Variants in KLF8 observed in about 807,000 individuals in gnomAD.
The protein encoded by KLF8 is Krueppel-like factor 8.
In KLF8, 10 loss-of-function variants were observed where a neutral mutation model predicts 18.2. The observed-to-expected ratio is 0.55, with a 90% CI of 0.34 to 0.93. The LOEUF is 0.93. KLF8 is among the 40% of genes least tolerant of loss of function. The pLI is 0.02. For synonymous variants in KLF8, 109 were observed against 97.3 expected (o/e 1.12, Z -0.71); for missense variants, 264 against 277.9 (o/e 0.95, Z 0.36).
In KLF8 at chrX:56,287,027, T is replaced by C. The variant is rs1251308259; in HGVS notation, c.*2533T>C. On this transcript the variant is annotated 3_prime_UTR_variant, in exon 6 of 6. Coordinates refer to ENST00000468660, the MANE Select transcript of KLF8 (RefSeq NM_007250.5). The stretch of plus-strand genomic sequence containing the variant: ...TTTTCAGAGTTCAGAACTGAACTGC[T>C]CCCCTAAGACCTCAGAATCTTTTGC... 1 of 111,793 alleles carries C rather than the reference T, an allele frequency of 8.9e-6. No homozygotes were observed. The highest frequency in any genetic ancestry group is 1.9e-5 in the Non-Finnish European group (1 of 53,186). The allele number at this position is 111,793 out of a possible 1,213,427, so 9.2% of individuals were successfully genotyped here.
At chrX:56,264,269 A>G (rs2066927505) in intron 2 of KLF8, among the ~76,000 whole-genome samples, 1 of 111,069 alleles carries the variant, frequency 9.0e-6, no homozygotes, top group South Asian at 3.7e-4. Flanking sequence ...TTTTTTAAAA[A>G]AAGTATTAGT....
chrX:56,274,479 A>G (rs2067096588), intron 5 of KLF8, among the ~76,000 whole-genome samples: 1 of 110,823 alleles, frequency 9.0e-6, no homozygotes, highest in Non-Finnish European at 1.9e-5. Context: ...CACTTTGTTG[A>G]TTGTTTCCTT....
intron 2 of KLF8, among the ~76,000 whole-genome samples, chrX:56,252,099 G>C (rs1324616173): frequency 1.8e-5 from 2 of 110,305 alleles, no homozygotes; most frequent in Non-Finnish European, 3.8e-5. Context: ...TGCAACCTCC[G>C]CCTCCCAGAT....
chrX:56,175,994 T>A, the KLF8 span, among the ~76,000 whole-genome samples: 1 of 112,044 alleles, frequency 8.9e-6, no homozygotes, highest in South Asian at 3.7e-4. Flanking sequence ...AGTGTGTCTC[T>A]GCATGTGAGA....
chrX:55,938,762 T>C, the KLF8 span, among the ~76,000 whole-genome samples: 1 of 110,311 alleles, frequency 9.1e-6, no homozygotes, highest in Non-Finnish European at 1.9e-5. Context: ...CCAACAAAGA[T>C]CAAAAGAGAC....
chrX:56,221,713 T>G, the KLF8 span, among the ~76,000 whole-genome samples: 2 of 111,457 alleles, frequency 1.8e-5, no homozygotes, highest in African/African-American at 6.5e-5. Context: ...CTGGCTTCCG[T>G]AGTGAAGCTG....
chrX:56,094,255 T>C, the KLF8 span, among the ~76,000 whole-genome samples: 2 of 110,414 alleles, frequency 1.8e-5, no homozygotes, highest in African/African-American at 6.5e-5. Flanking sequence ...AGGTTATAAG[T>C]AAAGGGGTGG....
chrX:55,968,048 G>T, the KLF8 span, among the ~76,000 whole-genome samples: 1 of 111,541 alleles, frequency 9.0e-6, no homozygotes, highest in African/African-American at 3.3e-5. Context: ...TGAGAAGCAA[G>T]AAATTAAAAC....
intron 5 of KLF8, among the ~76,000 whole-genome samples, chrX:56,275,315 T>C (rs976103006): frequency 8.9e-6 from 1 of 111,972 alleles, no homozygotes; most frequent in African/African-American, 3.2e-5. Context: ...TCTGTTGGCA[T>C]GTAGAAATGT....
At chrX:56,115,677 T>C in the KLF8 span, among the ~76,000 whole-genome samples, 5 of 111,755 alleles carry the variant, frequency 4.5e-5, no homozygotes, top group Non-Finnish European at 9.4e-5. Context: ...AGTAAACTGA[T>C]GTGGTACCCG....
chrX:56,207,860 G>A, the KLF8 span, among the ~76,000 whole-genome samples: 177 of 110,501 alleles, frequency 1.6e-3, 4 homozygotes, highest in East Asian at 0.033. Context: ...TGCTTACAAA[G>A]ACATACCCAA....
chrX:56,123,252 A>C, the KLF8 span, among the ~76,000 whole-genome samples: 1 of 94,219 alleles, frequency 1.1e-5, no homozygotes, highest in South Asian at 5.5e-4. Context: ...AAAAAGAAAG[A>C]AAAAGAAAGA....
chrX:56,095,885 T>C, the KLF8 span, among the ~76,000 whole-genome samples: 1 of 111,596 alleles, frequency 9.0e-6, no homozygotes, highest in Non-Finnish European at 1.9e-5. Context: ...TGGAAAACAC[T>C]ATGGAGACTT....
At chrX:56,127,999 C>T in the KLF8 span, among the ~76,000 whole-genome samples, 1 of 111,734 alleles carries the variant, frequency 8.9e-6, no homozygotes, top group Non-Finnish European at 1.9e-5. Context: ...TGAAGGATGA[C>T]AGTGTCATCA....
At chrX:56,132,036 A>T in the KLF8 span, among the ~76,000 whole-genome samples, 8 of 111,827 alleles carry the variant, frequency 7.2e-5, no homozygotes, top group East Asian at 2.0e-3. Flanking sequence ...ACACAATAAT[A>T]GTGGGGGACT....
the KLF8 span, among the ~76,000 whole-genome samples, chrX:56,064,159 A>G: frequency 2.8e-5 from 3 of 105,640 alleles, no homozygotes; most frequent in Admixed American, 2.1e-4. Flanking sequence ...GTGTGTGTGT[A>G]TATATATATA....
chrX:55,976,305 A>G, the KLF8 span, among the ~76,000 whole-genome samples: 2 of 111,007 alleles, frequency 1.8e-5, no homozygotes, highest in Non-Finnish European at 3.8e-5. Flanking sequence ...TGTTCATTAG[A>G]TCTCTGGAAC....
chrX:56,032,927 G>A, the KLF8 span, among the ~76,000 whole-genome samples: 2 of 111,697 alleles, frequency 1.8e-5, no homozygotes, highest in African/African-American at 6.5e-5. Flanking sequence ...TTCCAGACTG[G>A]CTTTAAAATT....
the KLF8 span, among the ~76,000 whole-genome samples, chrX:56,066,890 C>T: frequency 9.1e-6 from 1 of 109,949 alleles, no homozygotes; most frequent in Admixed American, 9.6e-5. Context: ...CTACATTAGT[C>T]TCCAGGCCTA....
Sources: gnomAD v4.1 joint callset for allele counts (sites outside exome capture counted in the v4.1 genomes callset) on GRCh38, gnomAD v4.1.1 for gene constraint, MANE v1.5 for transcripts, NCBI Gene and HGNC (gene_info 2026-07-23, HGNC 2026-07-21) for gene names.